The following LEPROT variants were observed in gnomAD, a reference collection of about 807,000 sequenced individuals.
The protein encoded by LEPROT is leptin receptor overlapping transcript.
Under a neutral mutation model 15.4 loss-of-function variants are expected in LEPROT, and 3 were observed. The observed-to-expected ratio is 0.19, with a 90% CI of 0.09 to 0.50. The LOEUF is 0.50. Among genes scored for constraint, LEPROT ranks in the 20% least tolerant of loss-of-function variants. The probability of loss-of-function intolerance (pLI) is 0.97; values close to 1 mark genes in which losing one functional copy is unlikely to be tolerated. For synonymous variants in LEPROT, 59 were observed against 57.5 expected (o/e 1.03, Z -0.12); for missense variants, 137 against 162.2 (o/e 0.84, Z 0.84).
intron 2 of LEPROT, among the ~76,000 whole-genome samples, chr1:65,426,654 G>A (rs147792249): frequency 5.7e-4 from 87 of 152,238 alleles, no homozygotes; most frequent in African/African-American, 1.9e-3. Context: ...AACAAGGAGG[G>A]AGAGTTCTTA....
chr1:65,426,807 G>A (rs1646382837), intron 2 of LEPROT, among the ~76,000 whole-genome samples: 1 of 151,988 alleles, frequency 6.6e-6, no homozygotes, highest in Non-Finnish European at 1.5e-5. Context: ...GACCATCCTA[G>A]GCAACATGGT....
intron 2 of LEPROT, among the ~76,000 whole-genome samples, chr1:65,428,421 G>A (rs998288414): frequency 6.6e-6 from 1 of 152,148 alleles, no homozygotes; most frequent in African/African-American, 2.4e-5. Flanking sequence ...GTTGAAAGAA[G>A]GGCTTTGAAG....
At chr1:65,422,010 A>C (rs1346268736) in intron 1 of LEPROT, among the ~76,000 whole-genome samples, 3 of 152,234 alleles carry the variant, frequency 2.0e-5, no homozygotes, top group African/African-American at 7.2e-5. Flanking sequence ...CAGAGCTGGA[A>C]ATAATTATAT....
At chr1:65,429,837 G>T in intron 2 of LEPROT, 25 bp from the exon 3 acceptor site, 6 of 1,391,018 alleles carry the variant, frequency 4.3e-6, no homozygotes, top group South Asian at 3.8e-5. Context: ...TTTCTTTTTG[G>T]ATTTTGCCTG....
In LEPROT at chr1:65,435,253, T is replaced by C; in HGVS notation, c.*3334T>C. 1.0e-6 allele frequency: 1 copy of C among 983,972 alleles called. No homozygotes were observed. The highest frequency in any genetic ancestry group is 1.2e-6 in the Non-Finnish European group (1 of 828,600). The allele number at this position is 983,972 out of a possible 1,614,324, so 61.0% of individuals were successfully genotyped here. On this transcript the variant is annotated 3_prime_UTR_variant, in exon 4 of 4. Transcript: ENST00000371065. ...CCTAAGGAAGTCCTTACCTCTGAGG[T>C]ATCTCCTCAATGAATACTGTTTTCA...
In LEPROT at chr1:65,435,926, G is replaced by A. The variant is rs540316448; in HGVS notation, c.*4007G>A. The A allele has an allele frequency of 7.5e-5, 74 of 985,100 alleles. 1 individual carries two copies. In the South Asian group the frequency reaches 2.5e-3, roughly 33 times the overall value. The allele number at this position is 985,100 out of a possible 1,614,324, so 61.0% of individuals were successfully genotyped here. A position where few individuals can be genotyped will look rare whatever the true frequency, so the allele number is the denominator to read the frequency against. Reference sequence around the variant, plus strand: ...TCTTTCAAATAGCCATGCTACCAGCGTACAACAGTGATACATGTAACCCCA... The same window carrying A: ...TCTTTCAAATAGCCATGCTACCAGCATACAACAGTGATACATGTAACCCCA... On this transcript the variant is annotated 3_prime_UTR_variant, in exon 4 of 4. Coordinates refer to ENST00000371065, the MANE Select transcript of LEPROT (RefSeq NM_017526.5).
chr1:65,421,799 A>G (rs1049888357), intron 1 of LEPROT, among the ~76,000 whole-genome samples: 2 of 152,212 alleles, frequency 1.3e-5, no homozygotes, highest in African/African-American at 4.8e-5. Flanking sequence ...AGTACTACAC[A>G]TGATCAGAAA....
chr1:65,427,425 G>A (rs1646401001), intron 2 of LEPROT, among the ~76,000 whole-genome samples: 2 of 152,148 alleles, frequency 1.3e-5, no homozygotes, highest in African/African-American at 4.8e-5. Context: ...ACTAAAATAA[G>A]CCAGGCATGG....
At position 65,431,749 on chromosome 1, in the gene LEPROT, A is replaced by G. The variant is rs116726595; in HGVS notation, c.280-54A>G. On this transcript the variant is annotated intron_variant, in intron 3 of 3. Coordinates refer to ENST00000371065, the MANE Select transcript of LEPROT (RefSeq NM_017526.5). ...AATGCAGAAAATAATAGGGATTGCAAAGAGTACAATATGAAGGAAGTAAGG... is the reference window on the plus strand; with the variant it reads ...AATGCAGAAAATAATAGGGATTGCAGAGAGTACAATATGAAGGAAGTAAGG... 2.9e-4 allele frequency: 447 copies of G among 1,558,698 alleles called. 1 individual carries two copies. In the African/African-American group the frequency reaches 5.5e-3, roughly 19 times the overall value.
chr1:65,434,016 C>T lies in LEPROT; in HGVS notation c.*2097C>T. On this transcript the variant is annotated 3_prime_UTR_variant, in exon 4 of 4. Transcript: ENST00000371065. ...TGGCAATAATGATTCATTTCTACTA[C>T]ATTTTGCAAAAGTGTTTTTGTTGCT... 1 of 985,282 alleles carries T rather than the reference C, an allele frequency of 1.0e-6. No individual in the cohort carries two copies. The highest frequency in any genetic ancestry group is 1.2e-6 in the Non-Finnish European group (1 of 829,826). The allele number at this position is 985,282 out of a possible 1,614,324, so 61.0% of individuals were successfully genotyped here.
chr1:65,435,762 T>G lies in LEPROT; in HGVS notation c.*3843T>G. 1 of 982,582 alleles carries G rather than the reference T, an allele frequency of 1.0e-6. No homozygotes were observed. Among genetic ancestry groups the G allele is most frequent in the Non-Finnish European group, 1.2e-6 (1 of 827,292 alleles). 60.9% of individuals were successfully genotyped at this position (982,582 alleles called of 1,614,324 possible). On this transcript the variant is annotated 3_prime_UTR_variant, in exon 4 of 4. Transcript: ENST00000371065. The stretch of plus-strand genomic sequence containing the variant: ...GCTAGCATTTTCCAAGCATAGTAAT[T>G]AGTTCACAACTGAGAAATATTATGT...
At chr1:65,425,045 CT>C (rs761851017) in intron 1 of LEPROT, among the ~76,000 whole-genome samples, 1 of 151,964 alleles carries the variant, frequency 6.6e-6, no homozygotes, top group African/African-American at 2.4e-5. Flanking sequence ...TTTTTTCTTT[CT>C]TTTTTATTTT....
Position 65,420,678 on chromosome 1 carries a change from G to A in LEPROT, c.-47G>A, listed in dbSNP as rs751663879. The A allele has an allele frequency of 3.8e-5, 59 of 1,564,494 alleles. No individual in the cohort carries two copies. Among genetic ancestry groups the A allele is most frequent in the Non-Finnish European group, 2.8e-5 (32 of 1,156,322 alleles). The stretch of plus-strand genomic sequence containing the variant: ...CGGTCTGGCTTGGGCAGGCTGCCCG[G>A]GCCGTGGCAGGAAGCCGGAAGCAGC... On this transcript the variant is annotated 5_prime_UTR_variant, in exon 1 of 4. Coordinates refer to ENST00000371065, the MANE Select transcript of LEPROT (RefSeq NM_017526.5).
At chr1:65,425,259 A>C in intron 1 of LEPROT, 44 bp from the exon 2 acceptor site, 1 of 1,562,270 alleles carries the variant, frequency 6.4e-7, no homozygotes, top group Non-Finnish European at 8.8e-7. Flanking sequence ...GTGCCTGACA[A>C]CCTCTACTGT....
rs781428072 is a variant in LEPROT, at chr1:65,420,688, G to C, written c.-37G>C. 15 of 1,570,796 alleles carry C rather than the reference G, an allele frequency of 9.5e-6. No individual in the cohort carries two copies. The African/African-American group carries it at 2.0e-4, about 21-fold the overall frequency. ...TGGGCAGGCTGCCCGGGCCGTGGCA[G>C]GAAGCCGGAAGCAGCCGCGGCCCCA... is the stretch of plus-strand genomic sequence containing the variant. On this transcript the variant is annotated 5_prime_UTR_variant, in exon 1 of 4. Coordinates refer to ENST00000371065, the MANE Select transcript of LEPROT (RefSeq NM_017526.5).
Position 65,434,861 on chromosome 1 carries a change from G to C in LEPROT, c.*2942G>C, listed in dbSNP as rs1219370079. The C allele has an allele frequency of 1.0e-6, 1 of 985,318 alleles. No homozygotes were observed. 61.0% of individuals were successfully genotyped at this position (985,318 alleles called of 1,614,324 possible). A position where few individuals can be genotyped will look rare whatever the true frequency, so the allele number is the denominator to read the frequency against. On this transcript the variant is annotated 3_prime_UTR_variant, in exon 4 of 4. Coordinates refer to ENST00000371065, the MANE Select transcript of LEPROT (RefSeq NM_017526.5). ...CTCCTCCCATTAGTCAGTTCTCTAA[G>C]TACAGCTGATGTCATGTGGTGCTGA...
chr1:65,427,155 G>A (rs1275212379), intron 2 of LEPROT, among the ~76,000 whole-genome samples: 1 of 152,174 alleles, frequency 6.6e-6, no homozygotes. Context: ...ACTTATATTT[G>A]TTTAGAGCCT....
chr1:65,423,061 G>A (rs539212053), intron 1 of LEPROT, among the ~76,000 whole-genome samples: 28 of 152,190 alleles, frequency 1.8e-4, no homozygotes, highest in Non-Finnish European at 2.4e-4. Context: ...CATGGTGTCA[G>A]TCCTCTAAGA....
chr1:65,429,793 T>C, intron 2 of LEPROT, 69 bp from the exon 3 acceptor site: 5 of 1,231,422 alleles, frequency 4.1e-6, no homozygotes, highest in Non-Finnish European at 5.4e-6. Flanking sequence ...TTTGAAATAG[T>C]AGTATGTCTT....
Sources: gnomAD v4.1 joint callset for allele counts (sites outside exome capture counted in the v4.1 genomes callset) on GRCh38, gnomAD v4.1.1 for gene constraint, MANE v1.5 for transcripts, NCBI Gene and HGNC (gene_info 2026-07-23, HGNC 2026-07-21) for gene names.